TMED2: variants seen among roughly 807,000 people sequenced by gnomAD.
TMED2 encodes the protein transmembrane emp24 domain-containing protein 2.
A neutral mutation model predicts 17.5 loss-of-function variants in TMED2; 3 were observed. That is an observed-to-expected ratio of 0.17 (90% CI 0.08 to 0.44). The LOEUF (loss-of-function observed/expected upper bound fraction) is 0.44. Among genes scored for constraint, TMED2 ranks in the 20% least tolerant of loss-of-function variants. The probability of loss-of-function intolerance (pLI) is 0.99; values close to 1 mark genes in which losing one functional copy is unlikely to be tolerated. For synonymous variants in TMED2, 95 were observed against 91.0 expected (o/e 1.04, Z -0.25); for missense variants, 149 against 254.8 (o/e 0.58, Z 2.83).
rs992309677 is a variant in TMED2 at position 123,584,585 on chromosome 12, C to A, written c.-52C>A. ...AGCGGGGCGGCGGCGGCGGCGGCGG[C>A]GGCGGCTGTGGAGGCCGCAGTCCGG... On this transcript the variant is annotated 5_prime_UTR_variant, in exon 1 of 4. Coordinates refer to ENST00000262225, the MANE Select transcript of TMED2 (RefSeq NM_006815.4). The A allele has an allele frequency of 1.3e-6, 2 of 1,569,490 alleles. No homozygotes were observed. The highest frequency in any genetic ancestry group is 8.6e-7 in the Non-Finnish European group (1 of 1,162,738).
Position 123,584,583 on chromosome 12 carries a change from GGC to G in TMED2, c.-52_-51del. ...GCAGCGGGGCGGCGGCGGCGGCGGC[GGC>G]GGCGGCTGTGGAGGCCGCAGTCCGG... On this transcript the variant is annotated 5_prime_UTR_variant, in exon 1 of 4. Coordinates refer to ENST00000262225, the MANE Select transcript of TMED2 (RefSeq NM_006815.4). The G allele has an allele frequency of 6.4e-7, 1 of 1,569,470 alleles. No individual in the cohort carries two copies. Among genetic ancestry groups the G allele is most frequent in the Non-Finnish European group, 8.6e-7 (1 of 1,162,960 alleles).
chr12:123,593,706 G>T (rs989767001), intron 3 of TMED2, among the ~76,000 whole-genome samples: 1 of 152,168 alleles, frequency 6.6e-6, no homozygotes, highest in Non-Finnish European at 1.5e-5. Context: ...CACCACGTTG[G>T]CCAGGATGGT....
chr12:123,589,099 T>A (rs1286742606), intron 2 of TMED2, among the ~76,000 whole-genome samples: 3 of 152,180 alleles, frequency 2.0e-5, no homozygotes, highest in East Asian at 3.8e-4. Context: ...TCTCATAACG[T>A]GGCACTACCT....
At chr12:123,585,085 T>G in intron 1 of TMED2, 1 of 425,288 alleles carries the variant, frequency 2.4e-6, no homozygotes, top group Non-Finnish European at 4.4e-6. Context: ...GAACGACGGG[T>G]TCCTGTTGGA....
At chr12:123,590,983 A>AG (rs1200470295) in intron 3 of TMED2, among the ~76,000 whole-genome samples, 1 of 150,964 alleles carries the variant, frequency 6.6e-6, no homozygotes, top group Non-Finnish European at 1.5e-5. Flanking sequence ...ACTCTGTCTC[A>AG]GGGAAAAAAA....
chr12:123,586,839 A>G lies in TMED2; in HGVS notation c.273A>G (p.Lys91=). The G allele has an allele frequency of 6.2e-7, 1 of 1,613,808 alleles. No homozygotes were observed. The highest frequency in any genetic ancestry group is 1.1e-5 in the South Asian group (1 of 90,982). The change falls in exon 2 of 4, where the codon AAA becomes AAG. Residue 91 remains lysine, a synonymous_variant. Transcript: ENST00000262225. ...TFAAHMDGTY[K]FCFSNRMSTM... ...CTGCTCACATGGATGGAACATACAAATTTTGTTTTAGTAACCGGATGTCCA... is the reference window on the plus strand; with the variant it reads ...CTGCTCACATGGATGGAACATACAAGTTTTGTTTTAGTAACCGGATGTCCA...
In TMED2 at chr12:123,588,056, T is replaced by C. The variant is rs546041520; in HGVS notation, c.373+1117T>C. ...CAGTTCTAGGAGCCATATGTTGATA[T>C]GAAGACAAGAGTTCTTTTAGCCATA... On this transcript the variant is annotated intron_variant, in intron 2 of 3. Transcript: ENST00000262225. Among the ~76,000 whole-genome samples, 4 of 152,282 alleles carry C rather than the reference T, an allele frequency of 2.6e-5. No individual in the cohort carries two copies. The East Asian group carries it at 5.8e-4, about 22-fold the overall frequency.
chr12:123,594,797 G>A (rs1321165305), intron 3 of TMED2, among the ~76,000 whole-genome samples: 4 of 151,990 alleles, frequency 2.6e-5, no homozygotes, highest in African/African-American at 7.3e-5. Context: ...TGAGGCAGGA[G>A]AATCGCTTGA....
chr12:123,596,810 A>G lies in TMED2; in HGVS notation c.*81A>G. 7.0e-7 allele frequency: 1 copy of G among 1,423,104 alleles called. No individual in the cohort carries two copies. The highest frequency in any genetic ancestry group is 9.3e-7 in the Non-Finnish European group (1 of 1,079,338). 88.2% of individuals were successfully genotyped at this position (1,423,104 alleles called of 1,614,324 possible). On this transcript the variant is annotated 3_prime_UTR_variant, in exon 4 of 4. Coordinates refer to ENST00000262225, the MANE Select transcript of TMED2 (RefSeq NM_006815.4). ...TCATAATAATGTCATTAGTTTCTCC[A>G]TTTTTATTTTCTGAACTGTACATTC...
chr12:123,593,882 A>G (rs935181045), intron 3 of TMED2, among the ~76,000 whole-genome samples: 88 of 151,126 alleles, frequency 5.8e-4, no homozygotes, highest in African/African-American at 1.8e-3. Context: ...TGCAGCCTCA[A>G]CCTCCTGGGC....
Position 123,596,770 on chromosome 12 carries a change from T to G in TMED2, c.*41T>G, listed in dbSNP as rs774476679. 2 of 1,558,244 alleles carry G rather than the reference T, an allele frequency of 1.3e-6. No homozygotes were observed. Among genetic ancestry groups the G allele is most frequent in the Admixed American group, 2.0e-5 (1 of 49,780 alleles). ...TGATCCCAACTCAGAATTCACTGTT[T>G]ACCAAACACCTTGGTCATAATAATG... is the stretch of plus-strand genomic sequence containing the variant. On this transcript the variant is annotated 3_prime_UTR_variant, in exon 4 of 4. Coordinates refer to ENST00000262225, the MANE Select transcript of TMED2 (RefSeq NM_006815.4).
At chr12:123,591,255 C>T (rs1271333725) in intron 3 of TMED2, among the ~76,000 whole-genome samples, 2 of 152,094 alleles carry the variant, frequency 1.3e-5, no homozygotes, top group East Asian at 1.9e-4. Flanking sequence ...AGTTTGGGTC[C>T]TCAAGTTTGT....
In TMED2 at chr12:123,584,576, C is replaced by A. The variant is rs551143423; in HGVS notation, c.-61C>A. Reference sequence around the variant, plus strand: ...TGAGAAGGCAGCGGGGCGGCGGCGGCGGCGGCGGCGGCGGCTGTGGAGGCC... The same window carrying A: ...TGAGAAGGCAGCGGGGCGGCGGCGGAGGCGGCGGCGGCGGCTGTGGAGGCC... On this transcript the variant is annotated 5_prime_UTR_variant, in exon 1 of 4. Coordinates refer to ENST00000262225, the MANE Select transcript of TMED2 (RefSeq NM_006815.4). The A allele has an allele frequency of 5.9e-6, 9 of 1,535,376 alleles. No homozygotes were observed. In the South Asian group the frequency reaches 9.2e-5, roughly 16 times the overall value.
At chr12:123,590,964 T>C (rs786451) in intron 3 of TMED2, among the ~76,000 whole-genome samples, 149,885 of 151,270 alleles carry the variant, frequency 0.99, 74,274 homozygotes, top group Middle Eastern at 1. Context: ...GCCTGGGCAA[T>C]GGAGCTAGAC....
At chr12:123,593,656 T>G (rs1041284375) in intron 3 of TMED2, among the ~76,000 whole-genome samples, 24 of 152,138 alleles carry the variant, frequency 1.6e-4, no homozygotes, top group African/African-American at 5.8e-4. Context: ...AGTGAATCTT[T>G]AAGCCCAGCT....
intron 2 of TMED2, among the ~76,000 whole-genome samples, chr12:123,589,175 G>C (rs1953372345): frequency 6.6e-6 from 1 of 152,188 alleles, no homozygotes; most frequent in Admixed American, 6.5e-5. Context: ...GGGATGCCTG[G>C]TTGAAAACTT....
intron 2 of TMED2, among the ~76,000 whole-genome samples, chr12:123,587,861 A>C (rs1953363885): frequency 6.6e-6 from 1 of 152,228 alleles, no homozygotes; most frequent in South Asian, 2.1e-4. Flanking sequence ...CACAGTTGAC[A>C]TTTTAGTAGT....
chr12:123,591,197 C>G (rs1042874670), intron 3 of TMED2, among the ~76,000 whole-genome samples: 2 of 152,022 alleles, frequency 1.3e-5, no homozygotes, highest in African/African-American at 4.8e-5. Context: ...TATAGTTAGA[C>G]TAGAAAACAC....
chr12:123,588,325 T>C (rs1953367294), intron 2 of TMED2, among the ~76,000 whole-genome samples: 1 of 152,158 alleles, frequency 6.6e-6, no homozygotes, highest in Non-Finnish European at 1.5e-5. Flanking sequence ...GTTAACATCA[T>C]AAAGAAGCTG....
Sources: gnomAD v4.1 joint callset for allele counts (sites outside exome capture counted in the v4.1 genomes callset) on GRCh38, gnomAD v4.1.1 for gene constraint, MANE v1.5 for transcripts, NCBI Gene and HGNC (gene_info 2026-07-23, HGNC 2026-07-21) for gene names.